The following SUPT3H variants were observed in gnomAD, a reference collection of about 807,000 sequenced individuals.
SUPT3H encodes the protein transcription initiation protein SPT3 homolog.
Under a neutral mutation model 44.3 loss-of-function variants are expected in SUPT3H, and 44 were observed. That is an observed-to-expected ratio of 0.99 (90% CI 0.78 to 1.28). SUPT3H has a LOEUF of 1.28. Ranked by LOEUF, SUPT3H falls within the 50% of genes most tolerant of loss-of-function variation. The pLI, the probability that SUPT3H is intolerant of heterozygous loss-of-function variation, is 0.00. For synonymous variants in SUPT3H, 124 were observed against 125.6 expected, an observed-to-expected ratio of 0.99 and a Z score of 0.09; for missense variants, 380 against 387.1, an observed-to-expected ratio of 0.98 and a Z score of 0.15.
chr6:45,070,739 C>CAAAAAAAAAAAAA, intron 3 of SUPT3H, among the ~76,000 whole-genome samples: 1 of 102,856 alleles, frequency 9.7e-6, no homozygotes, highest in Non-Finnish European at 1.8e-5. Context: ...CTGTCTCAAA[C>CAAAAAAAAAAAAA]AAAAAAAAAA....
At chr6:45,027,844 T>A (rs1381674109) in intron 3 of SUPT3H, among the ~76,000 whole-genome samples, 1 of 152,188 alleles carries the variant, frequency 6.6e-6, no homozygotes, top group African/African-American at 2.4e-5. Flanking sequence ...CCCTCAGAAT[T>A]TTCAAGGCAC....
Position 45,304,892 on chromosome 6 carries a change from T to A in SUPT3H, c.101+60309A>T, listed in dbSNP as rs938353776. ...CACTTGAGCACTAAAAGAACACAAA[T>A]AGAAGAAATCAACAGCCTGAAACGT... On this transcript the variant is annotated intron_variant, in intron 2 of 10. Coordinates refer to ENST00000371459, the MANE Select transcript of SUPT3H (RefSeq NM_003599.4). Among the ~76,000 whole-genome samples, 3 of 152,022 alleles carry A rather than the reference T, an allele frequency of 2.0e-5. No individual in the cohort carries two copies. The East Asian group carries it at 5.8e-4, about 29-fold the overall frequency.
chr6:44,952,606 C>T (rs978572776), intron 9 of SUPT3H, among the ~76,000 whole-genome samples: 3 of 152,268 alleles, frequency 2.0e-5, no homozygotes, highest in Admixed American at 6.5e-5. Flanking sequence ...GATTGAATTA[C>T]GTGAAACTGC....
chr6:44,983,092 A>G (rs1391158511), intron 6 of SUPT3H, among the ~76,000 whole-genome samples: 2 of 152,208 alleles, frequency 1.3e-5, no homozygotes, highest in Non-Finnish European at 2.9e-5. Context: ...ATTCAAATGT[A>G]TGTCAATGCT....
At chr6:44,839,774 T>G (rs1770600312) in intron 10 of SUPT3H, among the ~76,000 whole-genome samples, 1 of 151,920 alleles carries the variant, frequency 6.6e-6, no homozygotes, top group African/African-American at 2.4e-5. Flanking sequence ...CCATCTCGGC[T>G]CACTGCAAGC....
At chr6:45,110,162 C>T (rs1799837940) in intron 2 of SUPT3H, among the ~76,000 whole-genome samples, 1 of 152,138 alleles carries the variant, frequency 6.6e-6, no homozygotes, top group South Asian at 2.1e-4. Flanking sequence ...GCAACTTACA[C>T]CCTATCTTCT....
chr6:45,242,656 C>T (rs1054270235), intron 2 of SUPT3H, among the ~76,000 whole-genome samples: 1 of 152,080 alleles, frequency 6.6e-6, no homozygotes, highest in African/African-American at 2.4e-5. Flanking sequence ...AAAAACTCAA[C>T]AAGATCAAGT....
chr6:44,980,696 T>C (rs533268649), intron 6 of SUPT3H, among the ~76,000 whole-genome samples: 1 of 152,330 alleles, frequency 6.6e-6, no homozygotes, highest in African/African-American at 2.4e-5. Context: ...TGACCCATCA[T>C]AATCATTTCC....
chr6:45,225,989 T>C (rs949978200), intron 2 of SUPT3H, among the ~76,000 whole-genome samples: 2 of 152,002 alleles, frequency 1.3e-5, no homozygotes, highest in African/African-American at 4.8e-5. Context: ...AGAAAAAAAA[T>C]TAACCTAAAC....
intron 2 of SUPT3H, among the ~76,000 whole-genome samples, chr6:45,255,423 T>TTG (rs1554302968): frequency 8.7e-5 from 13 of 149,852 alleles, no homozygotes; most frequent in African/African-American, 3.2e-4. Flanking sequence ...AATAGGTTTT[T>TTG]TTTTTTTTTT....
chr6:45,141,799 AAGAAG>A (rs1805262173), intron 2 of SUPT3H, among the ~76,000 whole-genome samples: 1 of 149,614 alleles, frequency 6.7e-6, no homozygotes, highest in African/African-American at 2.4e-5. Context: ...GTTCCTGAGG[AAGAAG>A]AGAAATCTAA....
chr6:44,835,228 G>T (rs1769610669), intron 10 of SUPT3H, among the ~76,000 whole-genome samples: 1 of 152,110 alleles, frequency 6.6e-6, no homozygotes, highest in South Asian at 2.1e-4. Flanking sequence ...CCTGCGTGGA[G>T]CTGTTTGGAG....
chr6:45,228,590 C>T (rs568225646), intron 2 of SUPT3H, among the ~76,000 whole-genome samples: 7 of 152,080 alleles, frequency 4.6e-5, no homozygotes, highest in African/African-American at 9.7e-5. Flanking sequence ...CACCCGCGCG[C>T]GCGCACACAC....
At chr6:45,100,915 C>T (rs772814615) in intron 3 of SUPT3H, among the ~76,000 whole-genome samples, 1 of 152,152 alleles carries the variant, frequency 6.6e-6, no homozygotes, top group Non-Finnish European at 1.5e-5. Flanking sequence ...CAGCAATACT[C>T]ACAATAGCCA....
Position 44,890,883 on chromosome 6 carries a change from C to G in SUPT3H, c.912+41770G>C, listed in dbSNP as rs1177726784. Among the ~76,000 whole-genome samples, 3 of 151,212 alleles carry G rather than the reference C, an allele frequency of 2.0e-5. No homozygotes were observed. The East Asian group carries it at 5.9e-4, about 30-fold the overall frequency. On this transcript the variant is annotated intron_variant, in intron 10 of 10. Coordinates refer to ENST00000371459, the MANE Select transcript of SUPT3H (RefSeq NM_003599.4). ...GCTAGAAACTATCATTCTCAGCAAA[C>G]CAACACAGGAACAGAAAACCAAACA...
chr6:45,064,626 A>T (rs1257912093), intron 3 of SUPT3H, among the ~76,000 whole-genome samples: 5 of 139,614 alleles, frequency 3.6e-5, no homozygotes, highest in East Asian at 2.0e-4. Context: ...TCTACCAAGC[A>T]AATGGAAAAC....
chr6:45,316,910 T>A (rs926631907), intron 2 of SUPT3H, among the ~76,000 whole-genome samples: 1 of 152,010 alleles, frequency 6.6e-6, no homozygotes, highest in Non-Finnish European at 1.5e-5. Context: ...TATTCTAACT[T>A]TATGTATTGA....
chr6:45,051,608 G>C (rs1383736121), intron 3 of SUPT3H, among the ~76,000 whole-genome samples: 2 of 151,868 alleles, frequency 1.3e-5, no homozygotes, highest in Non-Finnish European at 2.9e-5. Flanking sequence ...AAAGTTAGTG[G>C]TCAGGAATTA....
intron 8 of SUPT3H, 35 bp from the exon 9 acceptor site, chr6:44,953,452 G>A (rs757514569): frequency 3.7e-5 from 58 of 1,558,928 alleles, no homozygotes; most frequent in Non-Finnish European, 5.0e-5. Context: ...CACATAGCTA[G>A]AAATAATCAT....
Sources: allele counts gnomAD v4.1 joint callset (sites outside exome capture counted in the v4.1 genomes callset), GRCh38; gene constraint gnomAD v4.1.1; transcripts MANE v1.5; gene names NCBI Gene and HGNC (gene_info 2026-07-23, HGNC 2026-07-21).